Variants in ARHGAP24 observed in about 807,000 individuals in gnomAD.
ARHGAP24 encodes Rho GTPase activating protein 24.
In ARHGAP24, 50 loss-of-function variants were observed where a neutral mutation model predicts 76.4. The ratio of observed to expected loss-of-function variants is 0.65; its 90% confidence interval spans 0.52 to 0.83. ARHGAP24 has a LOEUF of 0.83. Among genes scored for constraint, ARHGAP24 ranks in the 40% least tolerant of loss-of-function variants. ARHGAP24 has a pLI of 0.00. For missense variants in ARHGAP24, 930 were observed against 914.2 expected, an observed-to-expected ratio of 1.02 and a Z score of -0.22; for synonymous variants, 345 against 323.3, an observed-to-expected ratio of 1.07 and a Z score of -0.72.
intron 2 of ARHGAP24, among the ~76,000 whole-genome samples, chr4:85,683,706 A>G (rs1327569029): frequency 6.6e-6 from 1 of 152,160 alleles, no homozygotes; most frequent in Non-Finnish European, 1.5e-5. Context: ...GAGCTTTCTC[A>G]TCTTGCATGA....
intron 1 of ARHGAP24, among the ~76,000 whole-genome samples, chr4:85,531,265 A>G (rs913357191): frequency 1.2e-4 from 18 of 152,072 alleles, no homozygotes; most frequent in African/African-American, 4.3e-4. Flanking sequence ...AGATACGTTG[A>G]TGGTCTATTT....
chr4:85,971,683 C>G (rs1202632723), intron 5 of ARHGAP24, among the ~76,000 whole-genome samples: 2 of 151,780 alleles, frequency 1.3e-5, no homozygotes, highest in African/African-American at 4.8e-5. Flanking sequence ...CTGTAGTCAC[C>G]CTGTTGTGCT....
chr4:85,942,347 G>A (rs1560734524), intron 5 of ARHGAP24, 74 bp downstream of exon 5: 1 of 1,509,890 alleles, frequency 6.6e-7, no homozygotes, highest in Admixed American at 1.7e-5. Context: ...GTGAGCTGAG[G>A]AGGCATAACC....
chr4:85,650,980 G>A (rs1024782667), intron 2 of ARHGAP24, among the ~76,000 whole-genome samples: 19 of 149,504 alleles, frequency 1.3e-4, no homozygotes, highest in Non-Finnish European at 2.5e-4. Context: ...CTAGTTCTTC[G>A]GACAGAGTTT....
chr4:85,609,923 A>T (rs1257175193), intron 2 of ARHGAP24, among the ~76,000 whole-genome samples: 1 of 152,230 alleles, frequency 6.6e-6, no homozygotes, highest in Admixed American at 6.5e-5. Flanking sequence ...ATTGCTTAGC[A>T]TTATGGCACT....
rs1056900457 is a variant in ARHGAP24, at chr4:85,808,261, C to A, written c.268+86289C>A. Among the ~76,000 whole-genome samples the A allele has an allele frequency of 7.2e-5, 11 of 152,170 alleles. No homozygotes were observed. The South Asian group carries it at 2.3e-3, about 32-fold the overall frequency. On this transcript the variant is annotated intron_variant, in intron 3 of 9. Coordinates refer to ENST00000395184, the MANE Select transcript of ARHGAP24 (RefSeq NM_001025616.3). ...GGGATTATAAGCAGGCATTTTCAGA[C>A]CTTGGCATTCTAACGTACTATCTAG...
At chr4:85,668,418 A>G (rs569838453) in intron 2 of ARHGAP24, among the ~76,000 whole-genome samples, 1 of 152,348 alleles carries the variant, frequency 6.6e-6, no homozygotes, top group African/African-American at 2.4e-5. Context: ...AATTATATCC[A>G]CAAGGATCTG....
At chr4:85,903,362 G>A (rs1458486116) in intron 3 of ARHGAP24, among the ~76,000 whole-genome samples, 1 of 152,138 alleles carries the variant, frequency 6.6e-6, no homozygotes, top group Non-Finnish European at 1.5e-5. Context: ...ATTTAAAGCT[G>A]AGCTTTTAGT....
At chr4:85,588,494 C>T (rs1376030535) in intron 2 of ARHGAP24, among the ~76,000 whole-genome samples, 3 of 152,190 alleles carry the variant, frequency 2.0e-5, no homozygotes, top group East Asian at 1.9e-4. Context: ...CATGTAAGGT[C>T]GCTATTAGCT....
At chr4:85,991,923 ATATT>A (rs962668072) in intron 8 of ARHGAP24, 2 of 382,334 alleles carry the variant, frequency 5.2e-6, no homozygotes, top group African/African-American at 4.1e-5. Flanking sequence ...TTTACATATT[ATATT>A]TAAAGTCCCT....
intron 2 of ARHGAP24, among the ~76,000 whole-genome samples, chr4:85,711,537 A>T (rs1290259249): frequency 6.6e-6 from 1 of 152,188 alleles, no homozygotes; most frequent in Non-Finnish European, 1.5e-5. Flanking sequence ...TTGATTTTTT[A>T]AAAATCAAAT....
In ARHGAP24 at chr4:85,721,788, G is replaced by A. The variant is rs1724950727; in HGVS notation, c.181-97G>A. The stretch of plus-strand genomic sequence containing the variant: ...ATTCTGATGCATCTTACTGTATACT[G>A]GGTTATAGCTACACCTTGGATATTC... On this transcript the variant is annotated intron_variant, in intron 2 of 9. Coordinates refer to ENST00000395184, the MANE Select transcript of ARHGAP24 (RefSeq NM_001025616.3). The A allele has an allele frequency of 5.6e-5, 58 of 1,038,118 alleles. No homozygotes were observed. The South Asian group carries it at 7.5e-4, about 13-fold the overall frequency. 64.3% of individuals were successfully genotyped at this position (1,038,118 alleles called of 1,614,324 possible).
At chr4:85,749,197 G>A (rs1296695852) in intron 3 of ARHGAP24, among the ~76,000 whole-genome samples, 1 of 152,202 alleles carries the variant, frequency 6.6e-6, no homozygotes, top group Non-Finnish European at 1.5e-5. Flanking sequence ...GCCGAAGGTA[G>A]ATTCTAGGAA....
At chr4:85,581,120 T>C (rs1165307782) in intron 2 of ARHGAP24, among the ~76,000 whole-genome samples, 1 of 152,150 alleles carries the variant, frequency 6.6e-6, no homozygotes, top group African/African-American at 2.4e-5. Context: ...TAACTTGAAA[T>C]AATATTCTAT....
intron 2 of ARHGAP24, among the ~76,000 whole-genome samples, chr4:85,630,224 C>T (rs867362602): frequency 6.6e-5 from 10 of 152,114 alleles, no homozygotes; most frequent in Non-Finnish European, 1.2e-4. Context: ...CCTTTGTTGA[C>T]ATTCTCATTT....
chr4:85,587,973 CAGAA>C (rs1431809373), intron 2 of ARHGAP24, among the ~76,000 whole-genome samples: 1 of 151,960 alleles, frequency 6.6e-6, no homozygotes, highest in African/African-American at 2.4e-5. Flanking sequence ...CCTATTTAGA[CAGAA>C]AGGAAGGGAA....
At chr4:85,731,674 G>T (rs1002165184) in intron 3 of ARHGAP24, among the ~76,000 whole-genome samples, 4 of 152,104 alleles carry the variant, frequency 2.6e-5, no homozygotes, top group African/African-American at 9.7e-5. Context: ...AAGTTCTAGT[G>T]TTCTATACTA....
chr4:85,863,508 C>G (rs1256857611), intron 3 of ARHGAP24, among the ~76,000 whole-genome samples: 1 of 152,040 alleles, frequency 6.6e-6, no homozygotes, highest in African/African-American at 2.4e-5. Context: ...GTATTTCCAG[C>G]ACTTAGCATT....
chr4:85,999,399 A>G (rs983281134), intron 9 of ARHGAP24, among the ~76,000 whole-genome samples: 2 of 152,226 alleles, frequency 1.3e-5, no homozygotes, highest in African/African-American at 4.8e-5. Context: ...AGGAAGATTA[A>G]TTTTTAAGTG....
Sources: allele counts gnomAD v4.1 joint callset (sites outside exome capture counted in the v4.1 genomes callset), GRCh38; gene constraint gnomAD v4.1.1; transcripts MANE v1.5; gene names NCBI Gene and HGNC (gene_info 2026-07-23, HGNC 2026-07-21).